Variants in TBC1D5 observed in about 807,000 individuals in gnomAD.
TBC1D5 encodes TBC1 domain family, member 5.
Under a neutral mutation model 100.3 loss-of-function variants are expected in TBC1D5, and 75 were observed. The observed-to-expected ratio is 0.75, with a 90% CI of 0.62 to 0.91. The LOEUF is 0.91. Ranked by LOEUF, TBC1D5 falls within the 40% of genes least tolerant of loss-of-function variation. The probability of loss-of-function intolerance (pLI) is 0.00; values close to 1 mark genes in which losing one functional copy is unlikely to be tolerated. For missense variants in TBC1D5, 910 were observed against 942.4 expected (o/e 0.97, Z 0.45); for synonymous variants, 323 against 325.6 (o/e 0.99, Z 0.09).
intron 2 of TBC1D5, among the ~76,000 whole-genome samples, chr3:17,542,980 T>G (rs769471923): frequency 6.6e-6 from 1 of 152,226 alleles, no homozygotes; most frequent in Non-Finnish European, 1.5e-5. Context: ...ATTATATATG[T>G]GTACTAGAAT....
intron 16 of TBC1D5, among the ~76,000 whole-genome samples, chr3:17,253,295 T>G (rs1397736856): frequency 2.0e-5 from 3 of 152,178 alleles, no homozygotes; most frequent in Non-Finnish European, 4.4e-5. Flanking sequence ...TGATCAGAAT[T>G]TCAAAGGACA....
At chr3:17,687,410 G>A (rs1470482337) in intron 1 of TBC1D5, among the ~76,000 whole-genome samples, 3 of 152,066 alleles carry the variant, frequency 2.0e-5, no homozygotes. Flanking sequence ...TTATCATATA[G>A]AGGCTTTAAA....
intron 17 of TBC1D5, among the ~76,000 whole-genome samples, chr3:17,229,622 A>G (rs1359455799): frequency 2.0e-5 from 3 of 152,140 alleles, no homozygotes; most frequent in African/African-American, 7.2e-5. Context: ...CTCACTATGC[A>G]ACAGGTGCTG....
chr3:17,698,978 A>G (rs1347494122), intron 1 of TBC1D5, among the ~76,000 whole-genome samples: 4 of 149,984 alleles, frequency 2.7e-5, no homozygotes, highest in African/African-American at 4.9e-5. Flanking sequence ...TGTGGAAGTC[A>G]GTGTGGCGAT....
intron 18 of TBC1D5, among the ~76,000 whole-genome samples, chr3:17,198,745 C>T (rs2071058503): frequency 6.6e-6 from 1 of 152,164 alleles, no homozygotes; most frequent in Non-Finnish European, 1.5e-5. Context: ...CAAGAAACTG[C>T]ATCCTTGAAG....
At chr3:17,214,629 T>C (rs1299160881) in intron 17 of TBC1D5, among the ~76,000 whole-genome samples, 1 of 141,506 alleles carries the variant, frequency 7.1e-6, no homozygotes, top group Non-Finnish European at 1.5e-5. Context: ...TGCACACATA[T>C]AAAAAGAACT....
At chr3:17,654,830 A>G (rs2153727096) in intron 1 of TBC1D5, among the ~76,000 whole-genome samples, 1 of 152,204 alleles carries the variant, frequency 6.6e-6, no homozygotes, top group South Asian at 2.1e-4. Context: ...TATTGCCACA[A>G]TTTCAGAGCC....
chr3:17,233,773 A>G (rs1473628453), intron 17 of TBC1D5, 23 bp from the exon 18 acceptor site: 8 of 1,466,718 alleles, frequency 5.5e-6, no homozygotes, highest in Non-Finnish European at 5.6e-6. Context: ...AGAAAAAATA[A>G]TTAGATTTCA....
chr3:17,359,280 C>T (rs1397539284), intron 13 of TBC1D5, among the ~76,000 whole-genome samples: 1 of 152,028 alleles, frequency 6.6e-6, no homozygotes. Flanking sequence ...TTAATTGATT[C>T]AGCAGCCTTT....
chr3:17,615,434 G>A (rs1325741695), intron 2 of TBC1D5, among the ~76,000 whole-genome samples: 1 of 152,122 alleles, frequency 6.6e-6, no homozygotes, highest in Non-Finnish European at 1.5e-5. Context: ...CTTTTCTATT[G>A]ATTGGAATAC....
At chr3:17,617,605 T>G (rs1384137946) in intron 2 of TBC1D5, among the ~76,000 whole-genome samples, 2 of 152,216 alleles carry the variant, frequency 1.3e-5, no homozygotes, top group Non-Finnish European at 2.9e-5. Flanking sequence ...TTTTTACTCT[T>G]TTCTTCTCTA....
chr3:17,663,320 A>C (rs1384336147), intron 1 of TBC1D5, among the ~76,000 whole-genome samples: 1 of 151,964 alleles, frequency 6.6e-6, no homozygotes, highest in Admixed American at 6.6e-5. Context: ...CAAATTCCTC[A>C]ACTCACTAGT....
chr3:17,576,899 T>G (rs1428648680), intron 2 of TBC1D5, among the ~76,000 whole-genome samples: 1 of 152,058 alleles, frequency 6.6e-6, no homozygotes, highest in African/African-American at 2.4e-5. Context: ...TAAGCTGTGA[T>G]ATATTTGTTA....
intron 1 of TBC1D5, among the ~76,000 whole-genome samples, chr3:17,719,709 TAAAAC>T: frequency 6.6e-6 from 1 of 152,250 alleles, no homozygotes; most frequent in East Asian, 1.9e-4. Context: ...TTAGAGGACA[TAAAAC>T]AGAGGCTCAC....
intron 8 of TBC1D5, among the ~76,000 whole-genome samples, chr3:17,388,120 T>C (rs771728871): frequency 7.2e-5 from 11 of 152,130 alleles, no homozygotes; most frequent in Admixed American, 1.3e-4. Context: ...TCTTAAATCC[T>C]TACTTTAGGG....
chr3:17,522,848 A>G (rs2096077599), intron 2 of TBC1D5, among the ~76,000 whole-genome samples: 1 of 152,194 alleles, frequency 6.6e-6, no homozygotes, highest in Non-Finnish European at 1.5e-5. Context: ...TTTACATGAA[A>G]TCATTGCATA....
chr3:17,268,859 G>A (rs2079086099), intron 15 of TBC1D5, among the ~76,000 whole-genome samples: 1 of 152,094 alleles, frequency 6.6e-6, no homozygotes, highest in Admixed American at 6.6e-5. Flanking sequence ...TTGGCTAACA[G>A]CTTTCCTCTT....
intron 1 of TBC1D5, among the ~76,000 whole-genome samples, chr3:17,726,664 G>C (rs2076154920): frequency 1.3e-5 from 2 of 152,152 alleles, no homozygotes; most frequent in African/African-American, 4.8e-5. Flanking sequence ...TCTGTAGGTT[G>C]TCTGTTTACT....
intron 1 of TBC1D5, among the ~76,000 whole-genome samples, chr3:17,658,965 G>C (rs2066385044): frequency 6.6e-6 from 1 of 152,124 alleles, no homozygotes; most frequent in African/African-American, 2.4e-5. Context: ...GCCAGTTATG[G>C]TTCTTAATAC....
Sources: allele counts gnomAD v4.1 joint callset (sites outside exome capture counted in the v4.1 genomes callset), GRCh38; gene constraint gnomAD v4.1.1; transcripts MANE v1.5; gene names NCBI Gene and HGNC (gene_info 2026-07-23, HGNC 2026-07-21).